Variants in CTSB observed in about 807,000 individuals in gnomAD.
CTSB encodes APP secretase.
In CTSB, 57 loss-of-function variants were observed where a neutral mutation model predicts 44.3. The ratio of observed to expected loss-of-function variants is 1.29; its 90% CI spans 1.04 to 1.60. CTSB has a LOEUF of 1.60. Ranked by LOEUF, CTSB falls within the 40% of genes most tolerant of loss-of-function variation. The pLI, the probability that CTSB is intolerant of heterozygous loss-of-function variation, is 0.00. For synonymous variants in CTSB, 320 were observed against 168.0 expected, an observed-to-expected ratio of 1.91 and a Z score of -7.00; for missense variants, 768 against 443.0, an observed-to-expected ratio of 1.73 and a Z score of -6.59.
At chr8:11,852,464 C>G in intron 3 of CTSB, 146 bp downstream of exon 3, 1 of 477,258 alleles carries the variant, frequency 2.1e-6, no homozygotes, top group South Asian at 4.2e-5. Flanking sequence ...TGAAAAGAAA[C>G]AAGTACTGTA....
chr8:11,860,621 T>C (rs1816272968), intron 1 of CTSB, among the ~76,000 whole-genome samples: 1 of 151,946 alleles, frequency 6.6e-6, no homozygotes, highest in African/African-American at 2.4e-5. Flanking sequence ...GGAAACTCCG[T>C]CTCAAAAAAA....
intron 1 of CTSB, among the ~76,000 whole-genome samples, chr8:11,865,812 G>A (rs1361822552): frequency 6.8e-6 from 1 of 147,446 alleles, no homozygotes; most frequent in Non-Finnish European, 1.5e-5. Context: ...TCGAAAACCA[G>A]CCTGGCTAAC....
chr8:11,849,358 C>T, intron 4 of CTSB, 194 bp from the exon 5 acceptor site: 1 of 442,076 alleles, frequency 2.3e-6, no homozygotes, highest in Admixed American at 3.4e-5. Context: ...GTTGGCCAGA[C>T]TGGTCTTGAA....
chr8:11,842,912 C>G lies in CTSB; in HGVS notation c.*2213G>C, dbSNP rs139011577. 1 of 144,226 alleles carries G rather than the reference C, an allele frequency of 6.9e-6. No individual in the cohort carries two copies. Among genetic ancestry groups the G allele is most frequent in the Non-Finnish European group, 1.5e-5 (1 of 66,932 alleles). The allele number at this position is 144,226 out of a possible 1,614,324, so 8.9% of individuals were successfully genotyped here. A position where few individuals can be genotyped will look rare whatever the true frequency, so the allele number is the denominator to read the frequency against. On this transcript the variant is annotated 3_prime_UTR_variant, in exon 10 of 10. Transcript: ENST00000353047. ...TCAGCCTCCCAAAGTGCTGGGATTA[C>G]AGGCTTGAGCCACTGCGCCCGGCCT... is the stretch of plus-strand genomic sequence containing the variant.
At chr8:11,846,113 A>G (rs1251928013) in intron 8 of CTSB, 1 of 180,128 alleles carries the variant, frequency 5.6e-6, no homozygotes, top group Non-Finnish European at 1.2e-5. Context: ...TGTTCTTTAT[A>G]CTGGGATTCC....
chr8:11,844,575 AAAAT>A lies in CTSB; in HGVS notation c.*546_*549del, dbSNP rs1305823097. 6.5e-6 allele frequency: 1 copy of A among 152,812 alleles called. No individual in the cohort carries two copies. Among genetic ancestry groups the A allele is most frequent in the Non-Finnish European group, 1.5e-5 (1 of 68,442 alleles). 9.5% of individuals were successfully genotyped at this position (152,812 alleles called of 1,614,324 possible). On this transcript the variant is annotated 3_prime_UTR_variant, in exon 10 of 10. Coordinates refer to ENST00000353047, the MANE Select transcript of CTSB (RefSeq NM_001908.5). ...CCACATGATTAGCAGAGTGCACGAAAAAATAAAACTTCTATTAAAGAATCATGCT... is the reference window on the plus strand; with the variant it reads ...CCACATGATTAGCAGAGTGCACGAAAAAAACTTCTATTAAAGAATCATGCT...
intron 1 of CTSB, chr8:11,862,241 G>A (rs1816545507): frequency 6.6e-6 from 1 of 151,766 alleles, no homozygotes. Flanking sequence ...CTAGCTCTTG[G>A]ATCCAGCTAG....
At chr8:11,848,219 C>T in intron 5 of CTSB, 67 bp from the exon 6 acceptor site, 1 of 1,447,744 alleles carries the variant, frequency 6.9e-7, no homozygotes, top group Non-Finnish European at 9.7e-7. Context: ...CCACTGTGTG[C>T]TACCCAAGTG....
chr8:11,845,824 G>C (rs762202418), intron 8 of CTSB, 35 bp from the exon 9 acceptor site: 1 of 1,586,888 alleles, frequency 6.3e-7, no homozygotes, highest in South Asian at 1.1e-5. Context: ...ACCGAGACCG[G>C]GCCACTGTCC....
Position 11,847,830 on chromosome 8 carries a change from G to C in CTSB, c.533-8C>G. ...TGGAGTACGGTCTGCACCCTGATGG[G>C]ACGCGGGAGAAAGCGGAGTCAACCT... On this transcript the variant is annotated splice_polypyrimidine_tract_variant and splice_region_variant and intron_variant, in intron 6 of 9. Coordinates refer to ENST00000353047, the MANE Select transcript of CTSB (RefSeq NM_001908.5). The C allele has an allele frequency of 6.3e-7, 1 of 1,586,764 alleles. No individual in the cohort carries two copies. Among genetic ancestry groups the C allele is most frequent in the Non-Finnish European group, 8.5e-7 (1 of 1,171,972 alleles).
At chr8:11,863,318 G>C (rs551249838) in intron 1 of CTSB, among the ~76,000 whole-genome samples, 4 of 151,988 alleles carry the variant, frequency 2.6e-5, no homozygotes, top group African/African-American at 9.7e-5. Flanking sequence ...AATTAGCTGG[G>C]CGTGGTGGCA....
At chr8:11,865,071 G>A (rs185881445) in intron 1 of CTSB, among the ~76,000 whole-genome samples, 12 of 152,258 alleles carry the variant, frequency 7.9e-5, no homozygotes, top group Admixed American at 5.9e-4. Context: ...GGGACCAGAC[G>A]TAGAGACTGC....
chr8:11,847,605 C>G (rs138408883), intron 7 of CTSB, 74 bp downstream of exon 7: 8 of 1,470,920 alleles, frequency 5.4e-6, no homozygotes, highest in Non-Finnish European at 7.2e-6. Flanking sequence ...CTGACCTCTT[C>G]GCTGCAGCGT....
chr8:11,856,343 A>G (rs17154027), intron 1 of CTSB, among the ~76,000 whole-genome samples: 53,444 of 152,124 alleles, frequency 0.35, 9,691 homozygotes, highest in East Asian at 0.5. Flanking sequence ...TAAAAAAGCA[A>G]TTAGTTGGTG....
intron 2 of CTSB, among the ~76,000 whole-genome samples, 183 bp downstream of exon 2, chr8:11,853,146 G>C (rs1490763615): frequency 1.3e-5 from 2 of 151,974 alleles, no homozygotes; most frequent in Non-Finnish European, 2.9e-5. Flanking sequence ...CACACACGTG[G>C]GGTATGGGAC....
intron 9 of CTSB, 99 bp downstream of exon 9, chr8:11,845,562 G>A (rs1048684933): frequency 2.1e-6 from 3 of 1,451,454 alleles, no homozygotes; most frequent in Non-Finnish European, 2.8e-6. Context: ...TAGGTCCAGG[G>A]TTTAAGGCTG....
chr8:11,847,993 G>T, intron 6 of CTSB, 74 bp downstream of exon 6: 2 of 1,403,158 alleles, frequency 1.4e-6, no homozygotes, highest in Non-Finnish European at 9.9e-7. Flanking sequence ...AGTTTATAAA[G>T]GCAAATAAAG....
rs375119873 is a variant in CTSB at position 11,847,834 on chromosome 8, C to T, written c.533-12G>A. 38 of 1,581,504 alleles carry T rather than the reference C, an allele frequency of 2.4e-5. No individual in the cohort carries two copies. The highest frequency in any genetic ancestry group is 3.5e-5 in the South Asian group (3 of 86,036). On this transcript the variant is annotated splice_polypyrimidine_tract_variant and intron_variant, in intron 6 of 9. Transcript: ENST00000353047. ...GTACGGTCTGCACCCTGATGGGACG[C>T]GGGAGAAAGCGGAGTCAACCTACAG...
chr8:11,845,720 T>C lies in CTSB; in HGVS notation c.863A>G (p.Glu288Gly). The change falls in exon 9 of 10, where the codon GAG (glutamate) becomes GGG (glycine). Residue 288 changes from glutamate (E) to glycine (G), a missense_variant. Transcript: ENST00000353047. ...AACCAGCCAGTAGGGTGTGCCATTCTCCACTCCCCAGCCCAGGATGCGGAT... is the reference window on the plus strand; with the variant it reads ...AACCAGCCAGTAGGGTGTGCCATTCCCCACTCCCCAGCCCAGGATGCGGAT... ...HAIRILGWGV[E>G]NGTPYWLVAN... 9 of 1,614,082 alleles carry C rather than the reference T, an allele frequency of 5.6e-6. No individual in the cohort carries two copies. The highest frequency in any genetic ancestry group is 1.1e-5 in the South Asian group (1 of 91,064).
Sources: gnomAD v4.1 joint callset for allele counts (sites outside exome capture counted in the v4.1 genomes callset) on GRCh38, gnomAD v4.1.1 for gene constraint, MANE v1.5 for transcripts, NCBI Gene and HGNC (gene_info 2026-07-23, HGNC 2026-07-21) for gene names.